The following ERMP1 variants were observed in gnomAD, a reference collection of about 807,000 sequenced individuals.
ERMP1 encodes the protein Felix-ina.
In ERMP1, 86 loss-of-function variants were observed where a neutral mutation model predicts 92.0. The observed-to-expected ratio is 0.93, with a 90% confidence interval of 0.79 to 1.12. The LOEUF (loss-of-function observed/expected upper bound fraction) is 1.12, where lower values mean the gene tolerates loss of function less well. Ranked by LOEUF, ERMP1 falls within the 50% of genes most tolerant of loss-of-function variation. ERMP1 has a pLI of 0.00. For synonymous variants in ERMP1, 530 were observed against 412.8 expected (o/e 1.28, Z -3.44); for missense variants, 1,342 against 1,116.3 (o/e 1.20, Z -2.88).
At chr9:5,858,910 T>C (rs376614047) in intron 6 of ERMP1, among the ~76,000 whole-genome samples, 2 of 152,328 alleles carry the variant, frequency 1.3e-5, no homozygotes, top group East Asian at 3.9e-4. Context: ...AGTGGTTCCT[T>C]CCCCTCACTG....
intron 5 of ERMP1, among the ~76,000 whole-genome samples, chr9:5,866,043 A>G (rs1830649192): frequency 6.6e-6 from 1 of 152,110 alleles, no homozygotes; most frequent in South Asian, 2.1e-4. Context: ...ATAATTTTTT[A>G]ATCAAATAAT....
At chr9:5,817,930 C>T (rs150007390) in intron 4 of ERMP1, among the ~76,000 whole-genome samples, 3 of 152,152 alleles carry the variant, frequency 2.0e-5, no homozygotes, top group African/African-American at 7.2e-5. Context: ...TAACATGAGG[C>T]CTGAAAACTG....
chr9:5,794,193 T>A (rs888406176), intron 13 of ERMP1, among the ~76,000 whole-genome samples: 4 of 151,982 alleles, frequency 2.6e-5, no homozygotes, highest in African/African-American at 9.7e-5. Context: ...ACATAACAAA[T>A]GGGTCAAAAA....
intron 2 of ERMP1, among the ~76,000 whole-genome samples, chr9:5,828,016 G>A (rs756568317): frequency 1.6e-4 from 24 of 150,436 alleles, no homozygotes; most frequent in Admixed American, 4.0e-4. Context: ...ATGAATGTAC[G>A]TTCTAGGCCA....
At chr9:5,858,365 C>A (rs765167955) in intron 6 of ERMP1, among the ~76,000 whole-genome samples, 4 of 152,154 alleles carry the variant, frequency 2.6e-5, no homozygotes, top group Admixed American at 6.5e-5. Context: ...AGGGTAAGAC[C>A]ATGTTGAACA....
chr9:5,814,485 A>G (rs1318832411), intron 4 of ERMP1, among the ~76,000 whole-genome samples: 2 of 152,206 alleles, frequency 1.3e-5, no homozygotes, highest in Non-Finnish European at 2.9e-5. Context: ...GCTCACGCAT[A>G]TAATCCCAGC....
chr9:5,825,452 A>T (rs1351742396), intron 2 of ERMP1, among the ~76,000 whole-genome samples: 2 of 152,164 alleles, frequency 1.3e-5, no homozygotes, highest in African/African-American at 4.8e-5. Flanking sequence ...ACCATGCCTG[A>T]CCCACCAGAG....
intron 6 of ERMP1, among the ~76,000 whole-genome samples, chr9:5,857,504 G>T (rs191018035): frequency 1.1e-4 from 16 of 152,162 alleles, no homozygotes; most frequent in Non-Finnish European, 2.1e-4. Context: ...GTGAGTAGAC[G>T]AATTTGCAAA....
chr9:5,844,217 G>GT (rs2129741007), intron 6 of ERMP1, among the ~76,000 whole-genome samples: 1 of 152,102 alleles, frequency 6.6e-6, no homozygotes, highest in South Asian at 2.1e-4. Flanking sequence ...AGACTCAGAT[G>GT]TAAGTGGCCA....
At chr9:5,838,540 A>AAAG (rs552874635) in intron 6 of ERMP1, among the ~76,000 whole-genome samples, 9 of 152,070 alleles carry the variant, frequency 5.9e-5, no homozygotes, top group Non-Finnish European at 1.2e-4. Flanking sequence ...CAAAAAAAAA[A>AAAG]AAGAAGAAGA....
intron 13 of ERMP1, among the ~76,000 whole-genome samples, chr9:5,795,101 CAATT>C (rs1307699214): frequency 6.6e-6 from 1 of 152,100 alleles, no homozygotes; most frequent in African/African-American, 2.4e-5. Context: ...ACTTGAAAAT[CAATT>C]AATGTCATCT....
At chr9:5,860,360 G>T (rs1302527894) in intron 5 of ERMP1, among the ~76,000 whole-genome samples, 2 of 151,952 alleles carry the variant, frequency 1.3e-5, no homozygotes, top group Non-Finnish European at 2.9e-5. Context: ...CAGTATTTTA[G>T]GGATGAAGTT....
At chr9:5,832,598 C>G in intron 1 of ERMP1, 92 bp downstream of exon 1, 2 of 1,052,636 alleles carry the variant, frequency 1.9e-6, no homozygotes, top group Non-Finnish European at 2.5e-6. Context: ...AGCGGTCCGG[C>G]AGGGGCGGGT....
At chr9:5,860,975 C>T (rs920890714) in intron 5 of ERMP1, among the ~76,000 whole-genome samples, 5 of 152,186 alleles carry the variant, frequency 3.3e-5, no homozygotes, top group Non-Finnish European at 5.9e-5. Flanking sequence ...TCACCAGATG[C>T]CAGCACCTTG....
chr9:5,791,829 G>A (rs551505815), intron 13 of ERMP1, among the ~76,000 whole-genome samples: 3 of 152,270 alleles, frequency 2.0e-5, no homozygotes, highest in Non-Finnish European at 4.4e-5. Context: ...AGAATACAGA[G>A]ATAAATGAAA....
intron 8 of ERMP1, among the ~76,000 whole-genome samples, chr9:5,808,778 C>T (rs1828967958): frequency 6.6e-6 from 1 of 152,126 alleles, no homozygotes; most frequent in Non-Finnish European, 1.5e-5. Flanking sequence ...CACTCTGTCC[C>T]CTAGGCTGGA....
chr9:5,821,931 G>A (rs973433127), intron 4 of ERMP1, among the ~76,000 whole-genome samples: 3 of 152,162 alleles, frequency 2.0e-5, no homozygotes, highest in African/African-American at 7.2e-5. Context: ...TTACATGTAT[G>A]TGTTCCTCCT....
intron 3 of ERMP1, among the ~76,000 whole-genome samples, chr9:5,824,589 G>C (rs1029770647): frequency 2.0e-5 from 3 of 152,134 alleles, no homozygotes; most frequent in Non-Finnish European, 4.4e-5. Flanking sequence ...TTTTAGTAGA[G>C]ACGGGGTTTC....
At chr9:5,809,592 G>A (rs1234050098) in intron 8 of ERMP1, among the ~76,000 whole-genome samples, 1 of 152,208 alleles carries the variant, frequency 6.6e-6, no homozygotes, top group Non-Finnish European at 1.5e-5. Flanking sequence ...TGTTAATGCT[G>A]TGTGTCAGAC....
Sources: gnomAD v4.1 joint callset for allele counts (sites outside exome capture counted in the v4.1 genomes callset) on GRCh38, gnomAD v4.1.1 for gene constraint, MANE v1.5 for transcripts, NCBI Gene and HGNC (gene_info 2026-07-23, HGNC 2026-07-21) for gene names.